Variants in PIK3C2G observed in about 807,000 individuals in gnomAD.
PIK3C2G encodes the protein phosphatidylinositol 3-kinase C2 domain-containing subunit gamma.
In PIK3C2G, 168 loss-of-function variants were observed where a neutral mutation model predicts 181.1. The observed-to-expected ratio is 0.93, with a 90% CI of 0.82 to 1.05. PIK3C2G has a LOEUF of 1.05. Ranked by LOEUF, PIK3C2G falls within the 50% of genes least tolerant of loss-of-function variation. PIK3C2G has a pLI of 0.00. For synonymous variants in PIK3C2G, 573 were observed against 592.2 expected (o/e 0.97, Z 0.47); for missense variants, 1,869 against 1,732.8 (o/e 1.08, Z -1.40).
At chr12:18,399,194 C>CAAAAAAAAAAAAA (rs536592064) in intron 15 of PIK3C2G, among the ~76,000 whole-genome samples, 25 of 80,402 alleles carry the variant, frequency 3.1e-4, no homozygotes, top group African/African-American at 1.1e-3. Flanking sequence ...GACTCCGTCT[C>CAAAAAAAAAAAAA]AAAAAAAAAA....
chr12:18,566,420 A>G (rs1945637861), intron 28 of PIK3C2G, among the ~76,000 whole-genome samples: 1 of 152,234 alleles, frequency 6.6e-6, no homozygotes, highest in Admixed American at 6.5e-5. Flanking sequence ...CCAACCCATC[A>G]AGATGAATCA....
Position 18,362,793 on chromosome 12 carries a change from T to TAAAAGG in PIK3C2G, c.1655_1656insAAAAGG (p.Leu552_Thr553insLysGly), listed in dbSNP as rs1941356803. 6.6e-7 allele frequency: 1 copy of TAAAAGG among 1,523,894 alleles called. No homozygotes were observed. The highest frequency in any genetic ancestry group is 2.1e-5 in the Admixed American group (1 of 48,560). The allele number at this position is 1,523,894 out of a possible 1,614,324, so 94.4% of individuals were successfully genotyped here. ...AAAGCGTTTTCTTTTACCTGTTGGC[T>TAAAAGG]TACATATGCTGGAAAGAAGCTGTGC... On this transcript the variant is annotated inframe_insertion, in exon 12 of 33. Transcript: ENST00000538779.
chr12:18,343,425 A>T, intron 10 of PIK3C2G, 65 bp downstream of exon 10: 1 of 840,828 alleles, frequency 1.2e-6, no homozygotes, highest in East Asian at 2.8e-5. Flanking sequence ...AATCCAAAAT[A>T]CTTTTTTCAA....
intron 18 of PIK3C2G, among the ~76,000 whole-genome samples, chr12:18,444,336 T>G (rs4763504): frequency 0.25 from 37,691 of 152,050 alleles, 5,024 homozygotes; most frequent in Admixed American, 0.35. Context: ...TATCATATTT[T>G]GTCTTTATCA....
the PIK3C2G span, among the ~76,000 whole-genome samples, chr12:18,708,083 T>C: frequency 6.6e-6 from 1 of 152,214 alleles, no homozygotes; most frequent in Non-Finnish European, 1.5e-5. Context: ...TTACCTATAA[T>C]CCTCATATGA....
intron 18 of PIK3C2G, among the ~76,000 whole-genome samples, chr12:18,425,377 C>T (rs1945737516): frequency 7.2e-6 from 1 of 139,470 alleles, no homozygotes; most frequent in African/African-American, 2.6e-5. Context: ...AGCTAAAGGA[C>T]AGACATTTCT....
At chr12:18,244,417 G>A (rs1284399911), upstream of PIK3C2G, among the ~76,000 whole-genome samples, 1 of 151,864 alleles carries the variant, frequency 6.6e-6, no homozygotes, top group Admixed American at 6.6e-5. Flanking sequence ...TTGATAAATT[G>A]CTTAAAAGGT....
intron 5 of PIK3C2G, among the ~76,000 whole-genome samples, chr12:18,295,361 T>C (rs892244495): frequency 1.3e-5 from 2 of 151,974 alleles, no homozygotes; most frequent in African/African-American, 2.4e-5. Flanking sequence ...TTTGAATGTG[T>C]AGTTTTCCAA....
the PIK3C2G span, among the ~76,000 whole-genome samples, chr12:18,690,209 T>TTTTGTTTG: frequency 9.9e-5 from 15 of 151,978 alleles, no homozygotes; most frequent in South Asian, 2.1e-4. Context: ...CACATCTGTT[T>TTTTGTTTG]TTTGTTTGTT....
intron 5 of PIK3C2G, among the ~76,000 whole-genome samples, chr12:18,309,907 G>A (rs1009334878): frequency 2.0e-5 from 3 of 151,746 alleles, no homozygotes; most frequent in Non-Finnish European, 3.0e-5. Context: ...AGTTGTAAAC[G>A]TACCTAGAGT....
chr12:18,631,537 G>A (rs991150016), intron 31 of PIK3C2G, among the ~76,000 whole-genome samples: 6 of 152,136 alleles, frequency 3.9e-5, no homozygotes, highest in South Asian at 2.1e-4. Context: ...GGAAAGTGAC[G>A]TAATCAAAGC....
At chr12:18,588,372 C>A (rs1946899166) in intron 29 of PIK3C2G, among the ~76,000 whole-genome samples, 12 of 151,756 alleles carry the variant, frequency 7.9e-5, no homozygotes. Context: ...GTCTAATATG[C>A]ACATCTATAA....
the PIK3C2G span, among the ~76,000 whole-genome samples, chr12:18,726,617 G>T: frequency 6.6e-6 from 1 of 151,910 alleles, no homozygotes; most frequent in Admixed American, 6.6e-5. Context: ...TTCAGAAACA[G>T]AATGAAGGCT....
chr12:18,589,014 T>A (rs1946933990), intron 29 of PIK3C2G, among the ~76,000 whole-genome samples: 1 of 152,076 alleles, frequency 6.6e-6, no homozygotes. Flanking sequence ...TACCAAATGT[T>A]CTCATTTATA....
chr12:18,338,358 T>C lies in PIK3C2G; in HGVS notation c.1273-68T>C, dbSNP rs1049464643. The C allele has an allele frequency of 3.0e-5, 36 of 1,214,632 alleles. No individual in the cohort carries two copies. In the Middle Eastern group the frequency reaches 6.8e-4, roughly 23 times the overall value. 75.2% of individuals were successfully genotyped at this position (1,214,632 alleles called of 1,614,324 possible). On this transcript the variant is annotated intron_variant, in intron 8 of 32. Coordinates refer to ENST00000538779, the MANE Select transcript of PIK3C2G (RefSeq NM_001288772.2). ...TGCTCCTCATGGAAAAAGAAGAAGT[T>C]TGAGGATAAATTAATGTCCCCTCAT... is the stretch of plus-strand genomic sequence containing the variant.
intron 12 of PIK3C2G, among the ~76,000 whole-genome samples, chr12:18,369,049 G>A (rs2137855216): frequency 6.6e-6 from 1 of 152,262 alleles, no homozygotes; most frequent in South Asian, 2.1e-4. Flanking sequence ...GTCATCTTCA[G>A]TACTCTAATA....
intron 1 of PIK3C2G, among the ~76,000 whole-genome samples, chr12:18,262,998 G>T (rs1389245340): frequency 6.6e-6 from 1 of 152,054 alleles, no homozygotes; most frequent in African/African-American, 2.4e-5. Context: ...ACTGTTATCA[G>T]TTCTTAGCAA....
chr12:18,464,033 T>C (rs993726543), intron 18 of PIK3C2G, among the ~76,000 whole-genome samples: 8 of 152,256 alleles, frequency 5.3e-5, no homozygotes, highest in African/African-American at 1.9e-4. Context: ...ATTCTATTAT[T>C]ACCTTCCCCA....
chr12:18,672,962 G>A, the PIK3C2G span, among the ~76,000 whole-genome samples: 1 of 152,156 alleles, frequency 6.6e-6, no homozygotes, highest in African/African-American at 2.4e-5. Flanking sequence ...AGGAAGAAGT[G>A]AGATGTGAAG....
Sources: gnomAD v4.1 joint callset for allele counts (sites outside exome capture counted in the v4.1 genomes callset) on GRCh38, gnomAD v4.1.1 for gene constraint, MANE v1.5 for transcripts, NCBI Gene and HGNC (gene_info 2026-07-23, HGNC 2026-07-21) for gene names.